Variants in CACNA1B observed in about 807,000 individuals in gnomAD.
CACNA1B encodes voltage-dependent N-type calcium channel subunit alpha-1B.
In CACNA1B, 70 loss-of-function variants were observed where a neutral mutation model predicts 247.2. The observed-to-expected ratio is 0.28, with a 90% CI of 0.23 to 0.35. The LOEUF is 0.35. CACNA1B is among the 10% of genes least tolerant of loss of function. The pLI is 1.00. For synonymous variants in CACNA1B, 1,231 were observed against 1,294.4 expected (o/e 0.95, Z 1.05); for missense variants, 2,367 against 3,197.4 (o/e 0.74, Z 6.26).
intron 20 of CACNA1B, chr9:138,032,700 G>A: frequency 2.2e-6 from 1 of 454,528 alleles, no homozygotes; most frequent in Non-Finnish European, 4.4e-6. Context: ...AAAAACGTGT[G>A]CCTCTTCCTT....
At chr9:137,999,491 GAA>G (rs935631811) in intron 15 of CACNA1B, among the ~76,000 whole-genome samples, 9 of 142,158 alleles carry the variant, frequency 6.3e-5, no homozygotes, top group Non-Finnish European at 7.7e-5. Flanking sequence ...GCAGTTATCA[GAA>G]AAAAAAAAGG....
intron 6 of CACNA1B, among the ~76,000 whole-genome samples, chr9:137,937,055 T>C (rs1253636270): frequency 1.3e-5 from 2 of 152,224 alleles, no homozygotes; most frequent in Non-Finnish European, 2.9e-5. Context: ...GCATTGAATC[T>C]ATAAATTACC....
chr9:137,879,203 G>A (rs776201132), intron 2 of CACNA1B, 44 bp downstream of exon 2: 16 of 1,253,450 alleles, frequency 1.3e-5, no homozygotes, highest in Middle Eastern at 1.8e-4. Flanking sequence ...TGGGGAGGCC[G>A]CGACTCCACT....
chr9:137,930,714 CT>C (rs1246910719), intron 6 of CACNA1B, among the ~76,000 whole-genome samples: 1 of 152,072 alleles, frequency 6.6e-6, no homozygotes, highest in African/African-American at 2.4e-5. Context: ...GCAGATTTGT[CT>C]GTTTCTCTTT....
rs1297131950 is a variant in CACNA1B at position 138,122,326 on chromosome 9, G to A, written c.*327G>A. The stretch of plus-strand genomic sequence containing the variant: ...TGTCCTGGGACTCAGCATCCAGCAT[G>A]GGTGCTTGGAGCCGTTGTGAGGAGC... On this transcript the variant is annotated 3_prime_UTR_variant, in exon 47 of 47. Coordinates refer to ENST00000371372, the MANE Select transcript of CACNA1B (RefSeq NM_000718.4). 4 of 386,794 alleles carry A rather than the reference G, an allele frequency of 1.0e-5. No homozygotes were observed. The highest frequency in any genetic ancestry group is 4.1e-5 in the Admixed American group (1 of 24,312). The allele number at this position is 386,794 out of a possible 1,614,324, so 24.0% of individuals were successfully genotyped here.
intron 15 of CACNA1B, among the ~76,000 whole-genome samples, chr9:137,987,489 C>T (rs1751847050): frequency 6.6e-6 from 1 of 152,226 alleles, no homozygotes; most frequent in Admixed American, 6.5e-5. Context: ...ATTCCTGTCC[C>T]ATGAAACATA....
chr9:138,093,349 T>G (rs1337527810), intron 36 of CACNA1B, among the ~76,000 whole-genome samples: 2 of 125,228 alleles, frequency 1.6e-5, no homozygotes, highest in Non-Finnish European at 3.1e-5. Flanking sequence ...ACCCAGGAGA[T>G]GGAAGTTGCA....
At chr9:137,892,136 C>T (rs1224818948) in intron 3 of CACNA1B, 2 of 457,000 alleles carry the variant, frequency 4.4e-6, no homozygotes, top group Non-Finnish European at 8.8e-6. Flanking sequence ...CAAAGCCCAG[C>T]CTCTACTGAC....
intron 20 of CACNA1B, among the ~76,000 whole-genome samples, chr9:138,029,815 A>G (rs773869250): frequency 9.2e-5 from 14 of 152,040 alleles, no homozygotes; most frequent in Middle Eastern, 6.8e-3. Flanking sequence ...GGGTTTCACC[A>G]TGTTGGCCAG....
rs1192482546 is a variant in CACNA1B, at chr9:138,102,656, G to T, written c.5223-55G>T. 1.3e-6 allele frequency: 1 copy of T among 758,444 alleles called. No homozygotes were observed. Among genetic ancestry groups the T allele is most frequent in the Non-Finnish European group, 2.1e-6 (1 of 486,548 alleles). 47.0% of individuals were successfully genotyped at this position (758,444 alleles called of 1,614,324 possible). The stretch of plus-strand genomic sequence containing the variant: ...CCCTCCCCGCTCCCCTCCTGCTGCC[G>T]CTCCTCCTGTGGACCACCCCACTGT... On this transcript the variant is annotated intron_variant, in intron 37 of 46. Coordinates refer to ENST00000371372, the MANE Select transcript of CACNA1B (RefSeq NM_000718.4). The surrounding 1 kb of genome is among the most constrained non-coding windows in gnomAD (Gnocchi z 5.4).
intron 31 of CACNA1B, among the ~76,000 whole-genome samples, chr9:138,066,243 A>C (rs1312672135): frequency 6.6e-6 from 1 of 152,202 alleles, no homozygotes; most frequent in Non-Finnish European, 1.5e-5. Flanking sequence ...CATGGGCTCC[A>C]CCTGCAAAGC....
intron 3 of CACNA1B, chr9:137,892,419 G>T (rs1281959243): frequency 2.2e-6 from 1 of 450,514 alleles, no homozygotes; most frequent in African/African-American, 2.0e-5. Context: ...CTGTGGCCAT[G>T]TGGCTGTTGC....
intron 6 of CACNA1B, among the ~76,000 whole-genome samples, chr9:137,933,288 TG>T (rs544997187): frequency 3.5e-4 from 54 of 152,282 alleles, no homozygotes; most frequent in Non-Finnish European, 6.3e-4. Flanking sequence ...CCTGACCTCA[TG>T]ATCTGCCCGC....
chr9:138,023,217 G>C lies in CACNA1B; in HGVS notation c.2474G>C (p.Gly825Ala). The C allele has an allele frequency of 6.6e-7, 1 of 1,511,286 alleles. No homozygotes were observed. The allele number at this position is 1,511,286 out of a possible 1,614,324, so 93.6% of individuals were successfully genotyped here. A position where few individuals can be genotyped will look rare whatever the true frequency, so the allele number is the denominator to read the frequency against. ...CTGGTGGTGGAGCTGGGCCGCGACG[G>C]CGCGCGGGGGCCCGTGGGAGGCAAA... ...RPLVVELGRD[G>A]ARGPVGGKAR... Residue 825 changes from glycine to alanine, a missense_variant, in exon 19 of 47, where the codon GGC (glycine) becomes GCC (alanine). Physicochemically the swap from Gly to Ala is moderately conservative, Grantham distance 60. Coordinates refer to ENST00000371372, the MANE Select transcript of CACNA1B (RefSeq NM_000718.4).
rs1957420281 is a variant in CACNA1B, at chr9:137,917,001, C to T, written c.776-240C>T. Among the ~76,000 whole-genome samples, 1 of 151,968 alleles carries T rather than the reference C, an allele frequency of 6.6e-6. No individual in the cohort carries two copies. Among genetic ancestry groups the T allele is most frequent in the African/African-American group, 2.4e-5 (1 of 41,378 alleles). On this transcript the variant is annotated intron_variant, in intron 5 of 46. Coordinates refer to ENST00000371372, the MANE Select transcript of CACNA1B (RefSeq NM_000718.4). This position sits in a 1 kb window ranked among gnomAD's most constrained non-coding sequence, Gnocchi z 5.5. ...ACCATCAAGTGATGGTGGGCAGGTT[C>T]CAGTAGGAGGGAGAGGCCAGCCGTT...
chr9:138,057,039 C>T lies in CACNA1B; in HGVS notation c.3969-693C>T, dbSNP rs536728960. On this transcript the variant is annotated intron_variant, in intron 26 of 46. Transcript: ENST00000371372. The surrounding 1 kb of genome is among the most constrained non-coding windows in gnomAD (Gnocchi z 4.0). ...CAGGCTCCACCTCCCGGGTTCACGC[C>T]ATTCTCCTGCCTCAGCCTCCCGAGT... 6.6e-6 allele frequency among the ~76,000 whole-genome samples: 1 copy of T among 151,332 alleles called. No homozygotes were observed. The highest frequency in any genetic ancestry group is 2.0e-4 in the East Asian group (1 of 5,128).
At chr9:137,980,037 C>A (rs1267438212) in intron 12 of CACNA1B, among the ~76,000 whole-genome samples, 2 of 152,226 alleles carry the variant, frequency 1.3e-5, no homozygotes, top group Non-Finnish European at 2.9e-5. Flanking sequence ...CTCTCACTCC[C>A]TTTGCTTTTC....
In CACNA1B at chr9:137,954,282, G is replaced by T. The variant is rs979923173; in HGVS notation, c.1071-1416G>T. 6.6e-6 allele frequency among the ~76,000 whole-genome samples: 1 copy of T among 152,216 alleles called. No individual in the cohort carries two copies. The highest frequency in any genetic ancestry group is 2.4e-5 in the African/African-American group (1 of 41,458). The stretch of plus-strand genomic sequence containing the variant: ...GCTCTGTGGGAAAAGCCGCGGCTCT[G>T]CCATGTCTGGGCGAGAGCTGCAGGA... On this transcript the variant is annotated intron_variant, in intron 7 of 46. Transcript: ENST00000371372. The surrounding 1 kb of genome is among the most constrained non-coding windows in gnomAD (Gnocchi z 4.1).
intron 21 of CACNA1B, among the ~76,000 whole-genome samples, chr9:138,045,785 G>T (rs1445389997): frequency 6.6e-6 from 1 of 152,194 alleles, no homozygotes; most frequent in Non-Finnish European, 1.5e-5. Flanking sequence ...GCTGGCGGTG[G>T]GCCAGGGATG....
Sources: allele counts gnomAD v4.1 joint callset (sites outside exome capture counted in the v4.1 genomes callset), GRCh38; gene constraint gnomAD v4.1.1; non-coding constraint Gnocchi (gnomAD v3.1); transcripts MANE v1.5; gene names NCBI Gene and HGNC (gene_info 2026-07-23, HGNC 2026-07-21).